The following SOBP variants were observed in gnomAD, a reference collection of about 807,000 sequenced individuals.
SOBP encodes the protein sine oculis-binding protein homolog.
SOBP carries 4 observed loss-of-function variants against 53.6 expected under a neutral mutation model. That is an observed-to-expected ratio of 0.07 (90% CI 0.04 to 0.17). SOBP has a LOEUF of 0.17. SOBP is among the 10% of genes least tolerant of loss of function. SOBP has a pLI of 1.00. For missense variants in SOBP, 1,088 were observed against 1,204.7 expected (o/e 0.90, Z 1.43); for synonymous variants, 584 against 522.6 (o/e 1.12, Z -1.60).
intron 5 of SOBP, among the ~76,000 whole-genome samples, chr6:107,616,080 G>C (rs1177355412): frequency 9.3e-6 from 1 of 107,062 alleles, no homozygotes; most frequent in African/African-American, 4.3e-5. Flanking sequence ...TTGAGGAAGG[G>C]GGGTGGGGGG....
intron 4 of SOBP, among the ~76,000 whole-genome samples, chr6:107,579,864 A>C (rs1371875920): frequency 2.0e-5 from 3 of 152,224 alleles, no homozygotes. Flanking sequence ...AGTCCATCTC[A>C]TCCATCAGAG....
At chr6:107,594,734 T>G (rs1785881674) in intron 5 of SOBP, among the ~76,000 whole-genome samples, 1 of 152,256 alleles carries the variant, frequency 6.6e-6, no homozygotes, top group Admixed American at 6.5e-5. Context: ...CACTGTGATC[T>G]GTCTGTATAG....
At chr6:107,554,315 A>G (rs1157173102) in intron 4 of SOBP, among the ~76,000 whole-genome samples, 2 of 152,204 alleles carry the variant, frequency 1.3e-5, no homozygotes, top group African/African-American at 4.8e-5. Flanking sequence ...ATGGCTTTAA[A>G]GTCACAAAAC....
In SOBP at chr6:107,594,450, C is replaced by T. The variant is rs149639006; in HGVS notation, c.669+7275C>T. ...ATTTCCCTTTGAACAGTGAAGGGGACGGCACAAAGATAATTCTTGGCACTA... is the reference window on the plus strand; with the variant it reads ...ATTTCCCTTTGAACAGTGAAGGGGATGGCACAAAGATAATTCTTGGCACTA... On this transcript the variant is annotated intron_variant, in intron 5 of 6. Transcript: ENST00000317357. 2.4e-3 allele frequency among the ~76,000 whole-genome samples: 359 copies of T among 151,234 alleles called. 3 individuals are homozygous for T. Among genetic ancestry groups the T allele is most frequent in the African/African-American group, 8.4e-3 (345 of 41,146 alleles).
Position 107,543,302 on chromosome 6 carries a change from A to C in SOBP, c.573+9692A>C, listed in dbSNP as rs546987513. ...TTTCATGGCAAGCTCCCCAGTGGTC[A>C]TGGGACAGCTGCTAGCAGCAATCAG... is the stretch of plus-strand genomic sequence containing the variant. On this transcript the variant is annotated intron_variant, in intron 4 of 6. Transcript: ENST00000317357. Among the ~76,000 whole-genome samples the C allele has an allele frequency of 6.6e-5, 10 of 152,240 alleles. No individual in the cohort carries two copies. The South Asian group carries it at 2.1e-3, about 32-fold the overall frequency.
chr6:107,657,055 A>G (rs1772098524), intron 6 of SOBP, among the ~76,000 whole-genome samples: 2 of 152,228 alleles, frequency 1.3e-5, no homozygotes, highest in African/African-American at 2.4e-5. Context: ...AAGTGTGTCG[A>G]GCGCCCACAG....
intron 5 of SOBP, among the ~76,000 whole-genome samples, chr6:107,606,654 G>C (rs1011346208): frequency 6.6e-6 from 1 of 152,160 alleles, no homozygotes; most frequent in Admixed American, 6.5e-5. Context: ...TTTAATCCCC[G>C]GAAGGAAAAG....
At chr6:107,611,370 TGGAATTTGAA>T (rs1016913673) in intron 5 of SOBP, among the ~76,000 whole-genome samples, 1 of 152,222 alleles carries the variant, frequency 6.6e-6, no homozygotes, top group African/African-American at 2.4e-5. Context: ...CCTGCAGATG[TGGAATTTGAA>T]GGAATCCAGA....
At chr6:107,648,428 G>T (rs564134286) in intron 6 of SOBP, among the ~76,000 whole-genome samples, 1 of 114,246 alleles carries the variant, frequency 8.8e-6, no homozygotes, top group East Asian at 2.2e-4. Flanking sequence ...TGTAGTCACA[G>T]TGGGGAGAGG....
At chr6:107,588,142 G>C (rs143308505) in intron 5 of SOBP, among the ~76,000 whole-genome samples, 1 of 152,112 alleles carries the variant, frequency 6.6e-6, no homozygotes, top group South Asian at 2.1e-4. Context: ...TTTTTTGGCC[G>C]ACCAGCTCTG....
intron 2 of SOBP, among the ~76,000 whole-genome samples, chr6:107,504,680 G>C (rs890373752): frequency 2.6e-5 from 4 of 152,156 alleles, no homozygotes; most frequent in African/African-American, 9.7e-5. Flanking sequence ...CTGTTCAAAC[G>C]TTTTATTTCC....
chr6:107,558,968 A>G (rs1784699457), intron 4 of SOBP, among the ~76,000 whole-genome samples: 1 of 151,782 alleles, frequency 6.6e-6, no homozygotes, highest in Non-Finnish European at 1.5e-5. Flanking sequence ...CCTGTTTTTC[A>G]TTATAATAAA....
At chr6:107,642,962 ATG>A (rs1771394856) in intron 6 of SOBP, among the ~76,000 whole-genome samples, 1 of 152,224 alleles carries the variant, frequency 6.6e-6, no homozygotes, top group Admixed American at 6.5e-5. Flanking sequence ...CCCATACAAC[ATG>A]TGTCTCAATT....
rs1340052516 is a variant in SOBP at position 107,634,314 on chromosome 6, C to T, written c.1470C>T (p.Phe490=). 6.3e-7 allele frequency: 1 copy of T among 1,577,996 alleles called. No individual in the cohort carries two copies. The highest frequency in any genetic ancestry group is 8.6e-7 in the Non-Finnish European group (1 of 1,169,146). Residue 490 remains phenylalanine, a synonymous_variant, in exon 6 of 7, where the codon TTC becomes TTT. Transcript: ENST00000317357. The surrounding 1 kb of genome is among the most constrained non-coding windows in gnomAD (Gnocchi z 4.5). The stretch of plus-strand genomic sequence containing the variant: ...GCGCCCCGCTGCCGAGTCTTCCCTT[C>T]CCGCCAGTGAGCATGATGCCAAATG... ...PPGAPLPSLP[F]PPVSMMPNGP... is the part of the protein sequence containing the mutation.
intron 3 of SOBP, among the ~76,000 whole-genome samples, chr6:107,527,478 C>T (rs1017661046): frequency 3.3e-5 from 5 of 152,176 alleles, no homozygotes; most frequent in African/African-American, 1.2e-4. Flanking sequence ...AGACTGGTGC[C>T]TGGTCACTGG....
intron 4 of SOBP, among the ~76,000 whole-genome samples, chr6:107,553,872 T>C (rs1214424911): frequency 1.3e-5 from 2 of 152,182 alleles, no homozygotes; most frequent in Admixed American, 1.3e-4. Flanking sequence ...TCTGCCTGCC[T>C]CAGGTGTGGG....
At chr6:107,508,884 AG>A (rs1783077615) in intron 3 of SOBP, among the ~76,000 whole-genome samples, 1 of 152,102 alleles carries the variant, frequency 6.6e-6, no homozygotes, top group Non-Finnish European at 1.5e-5. Flanking sequence ...GGCTTAGGGG[AG>A]GGGAGATGAT....
At chr6:107,519,525 C>T (rs186511538) in intron 3 of SOBP, among the ~76,000 whole-genome samples, 10 of 152,236 alleles carry the variant, frequency 6.6e-5, no homozygotes, top group African/African-American at 2.4e-4. Flanking sequence ...GCACCTGTGG[C>T]ATACGTCTCT....
chr6:107,561,473 C>T (rs889635172), intron 4 of SOBP, among the ~76,000 whole-genome samples: 3 of 152,156 alleles, frequency 2.0e-5, no homozygotes, highest in Non-Finnish European at 4.4e-5. Flanking sequence ...AAAACCCCTG[C>T]CCCGACTGAG....
Sources: gnomAD v4.1 joint callset for allele counts (sites outside exome capture counted in the v4.1 genomes callset) on GRCh38, gnomAD v4.1.1 for gene constraint, Gnocchi (gnomAD v3.1) non-coding constraint, MANE v1.5 for transcripts, NCBI Gene and HGNC (gene_info 2026-07-23, HGNC 2026-07-21) for gene names.